Variants in TASOR2 observed in about 807,000 individuals in gnomAD.
The protein encoded by TASOR2 is protein TASOR 2.
TASOR2 carries 84 observed loss-of-function variants against 199.5 expected under a neutral mutation model. The observed-to-expected ratio is 0.42, with a 90% confidence interval of 0.35 to 0.50. The LOEUF (loss-of-function observed/expected upper bound fraction) is 0.50, where lower values mean the gene tolerates loss of function less well. Ranked by LOEUF, TASOR2 falls within the 20% of genes least tolerant of loss-of-function variation. TASOR2 has a pLI of 0.02. For missense variants in TASOR2, 2,796 were observed against 2,835.9 expected, an observed-to-expected ratio of 0.99 and a Z score of 0.32; for synonymous variants, 1,103 against 1,046.6, an observed-to-expected ratio of 1.05 and a Z score of -1.04.
exon 13 of TASOR2, chr10:5,739,660 G>A: frequency 2.5e-6 from 4 of 1,613,636 alleles, no homozygotes; most frequent in South Asian, 1.1e-5. Flanking sequence ...GAAATTTCAA[G>A]AGGTTGTCAA....
At position 5,742,364 on chromosome 10, in the gene TASOR2, A is replaced by G; in HGVS notation, c.2595A>G (p.Glu865=). ...AAATTTCCAGGGCTCATGCTGCTGA[A>G]GTATCCTTCCGTGATCCTAACTGCT... Residue 865 remains glutamate (E), a synonymous_variant, in exon 14 of 21, where the codon GAA becomes GAG. Coordinates refer to ENST00000328090, the Ensembl canonical transcript of TASOR2. This position sits in a 1 kb window ranked among gnomAD's most constrained non-coding sequence, Gnocchi z 4.2. 6.2e-7 allele frequency: 1 copy of G among 1,614,192 alleles called. No individual in the cohort carries two copies. Among genetic ancestry groups the G allele is most frequent in the Non-Finnish European group, 8.5e-7 (1 of 1,180,028 alleles).
chr10:5,747,303 C>G (rs1564346851), exon 15 of TASOR2: 2 of 1,614,018 alleles, frequency 1.2e-6, no homozygotes, highest in Admixed American at 3.3e-5. Context: ...CTACAAGTCC[C>G]AGAGAAGAAA....
chr10:5,742,549 A>G lies in TASOR2; in HGVS notation c.2757+23A>G, dbSNP rs763000550. The G allele has an allele frequency of 6.4e-7, 1 of 1,561,090 alleles. No individual in the cohort carries two copies. Among genetic ancestry groups the G allele is most frequent in the South Asian group, 1.2e-5 (1 of 83,618 alleles). ...GAGGTATGTAAAGCTGAATACCGTT[A>G]AATGTTGGCATTATTTTTGAAGAAA... On this transcript the variant is annotated intron_variant, in intron 14 of 20. Transcript: ENST00000328090. The surrounding 1 kb of genome is among the most constrained non-coding windows in gnomAD (Gnocchi z 4.2).
At chr10:5,709,482 A>G (rs943455041) in intron 1 of TASOR2, 67 of 1,155,982 alleles carry the variant, frequency 5.8e-5, no homozygotes, top group Non-Finnish European at 6.9e-5. Flanking sequence ...TAAATATGCT[A>G]TAAATAGAAT....
chr10:5,729,973 A>T (rs1343316594), intron 10 of TASOR2, among the ~76,000 whole-genome samples: 1 of 152,254 alleles, frequency 6.6e-6, no homozygotes, highest in Admixed American at 6.5e-5. Context: ...AGTTAGCAAT[A>T]ATCATTCCAG....
intron 2 of TASOR2, 115 bp from the exon 4 acceptor site, chr10:5,717,544 C>A: frequency 2.4e-6 from 1 of 409,396 alleles, no homozygotes. Context: ...TGTTGGAATC[C>A]TCCTCTCCTG....
rs918937031 is a variant in TASOR2, at chr10:5,719,436, G to A, written c.-99-1108G>A. ...CAGCTCACTGCAACCTCCACCTCCC[G>A]GGTTCAAGCAATTTTCCTACCTCAG... On this transcript the variant is annotated intron_variant, in intron 3 of 20. Transcript: ENST00000328090. This position sits in a 1 kb window ranked among gnomAD's most constrained non-coding sequence, Gnocchi z 4.1. Among the ~76,000 whole-genome samples, 19 of 152,102 alleles carry A rather than the reference G, an allele frequency of 1.2e-4. No individual in the cohort carries two copies. The highest frequency in any genetic ancestry group is 3.9e-4 in the African/African-American group (16 of 41,506).
At chr10:5,688,521 G>T (rs1836054827) in intron 1 of TASOR2, among the ~76,000 whole-genome samples, 1 of 143,634 alleles carries the variant, frequency 7.0e-6, no homozygotes, top group African/African-American at 2.6e-5. Context: ...ATAACATCCA[G>T]CCCCTAACAA....
rs564494119 is a variant in TASOR2, at chr10:5,708,753, G to A, written c.-287-4070G>A. On this transcript the variant is annotated intron_variant, in intron 1 of 20. Transcript: ENST00000328090. ...GTCTGGCTCTGTTACCCAGGCTGGAGTTCAGGGGTGCAATCTCAGCTCACT... is the reference window on the plus strand; with the variant it reads ...GTCTGGCTCTGTTACCCAGGCTGGAATTCAGGGGTGCAATCTCAGCTCACT... 4.6e-5 allele frequency among the ~76,000 whole-genome samples: 7 copies of A among 151,292 alleles called. No individual in the cohort carries two copies. The East Asian group carries it at 7.8e-4, about 17-fold the overall frequency.
rs186230543 is a variant in TASOR2 at position 5,693,358 on chromosome 10, T to C, written c.-288+8183T>C. 1.7e-4 allele frequency among the ~76,000 whole-genome samples: 26 copies of C among 152,356 alleles called. No individual in the cohort carries two copies. The East Asian group carries it at 5.0e-3, about 29-fold the overall frequency. On this transcript the variant is annotated intron_variant, in intron 1 of 20. Transcript: ENST00000328090. Reference sequence around the variant, plus strand: ...CTTTGCGCTTCAAGTATTTGCAGGTTATTACCTTAGTTTTTACTCCCTTTG... The same window carrying C: ...CTTTGCGCTTCAAGTATTTGCAGGTCATTACCTTAGTTTTTACTCCCTTTG...
Position 5,739,868 on chromosome 10 carries a change from T to C in TASOR2, c.1698T>C (p.Asn566=), listed in dbSNP as rs748651818. Residue 566 remains asparagine (N), a synonymous_variant, in exon 13 of 21, where the codon AAT becomes AAC. Coordinates refer to ENST00000328090, the Ensembl canonical transcript of TASOR2. ...ACTGTTCCTCTGAATTGCCACAAAA[T>C]GATGTTTTGCTCTCTAAAGAAAATT... The C allele has an allele frequency of 5.0e-6, 8 of 1,614,080 alleles. No homozygotes were observed. In the African/African-American group the frequency reaches 6.7e-5, roughly 13 times the overall value.
rs971260120 is a variant in TASOR2 at position 5,754,796 on chromosome 10, C to T, written c.6607-1817C>T. 3.3e-5 allele frequency among the ~76,000 whole-genome samples: 5 copies of T among 152,100 alleles called. No individual in the cohort carries two copies. Among genetic ancestry groups the T allele is most frequent in the African/African-American group, 4.8e-5 (2 of 41,430 alleles). On this transcript the variant is annotated intron_variant, in intron 15 of 20. Transcript: ENST00000328090. The surrounding 1 kb of genome is among the most constrained non-coding windows in gnomAD (Gnocchi z 4.3). The stretch of plus-strand genomic sequence containing the variant: ...CGGTGGCTCACGCCTGTAATCCCAG[C>T]ACTTTGGGAGGCCGAGGTGGGCGGA...
rs75514089 is a variant in TASOR2, at chr10:5,730,957, A to T, written c.958A>T (p.Thr320Ser). ...CTCAGAGGCAGAAGTGAGAAAAGAA[A>T]CTGAAACAAAAAAGGATTCTGAAGA... is the stretch of plus-strand genomic sequence containing the variant. Residue 320 changes from threonine (T) to serine (S), a missense_variant, in exon 11 of 21, where the codon ACT becomes TCT. Around this residue, in one of 3 missense-constraint regions of TASOR2, gnomAD observed 847 missense variants for 887.4 expected, o/e 0.95. Coordinates refer to ENST00000328090, the Ensembl canonical transcript of TASOR2. This position sits in a 1 kb window ranked among gnomAD's most constrained non-coding sequence, Gnocchi z 4.1. 7.5e-3 allele frequency: 12,172 copies of T among 1,614,152 alleles called. 135 individuals are homozygous for T. Among genetic ancestry groups the T allele is most frequent in the South Asian group, 0.036 (3,270 of 91,086 alleles).
At chr10:5,725,906 A>G (rs556322754) in intron 8 of TASOR2, among the ~76,000 whole-genome samples, 4 of 152,322 alleles carry the variant, frequency 2.6e-5, no homozygotes, top group African/African-American at 9.6e-5. Context: ...AATCTTGTTG[A>G]AACTCAAAGC....
chr10:5,700,114 C>G (rs10795347), intron 1 of TASOR2, among the ~76,000 whole-genome samples: 63,241 of 151,790 alleles, frequency 0.42, 13,681 homozygotes, highest in East Asian at 0.79. Context: ...TCCAGCCTCT[C>G]ATAACCACCA....
Position 5,719,280 on chromosome 10 carries a change from C to T in TASOR2, c.-99-1264C>T, listed in dbSNP as rs746281849. Among the ~76,000 whole-genome samples the T allele has an allele frequency of 2.0e-5, 3 of 152,084 alleles. No homozygotes were observed. Among genetic ancestry groups the T allele is most frequent in the Non-Finnish European group, 4.4e-5 (3 of 68,012 alleles). ...TCTTATGTCATTGTATTATTCAAAA[C>T]AGCTTTTAAAATCATTGCATATTTC... On this transcript the variant is annotated intron_variant, in intron 3 of 20. Transcript: ENST00000328090. This position sits in a 1 kb window ranked among gnomAD's most constrained non-coding sequence, Gnocchi z 4.1.
Position 5,740,276 on chromosome 10 carries a change from C to G in TASOR2, c.2106C>G (p.Pro702=). The stretch of plus-strand genomic sequence containing the variant: ...AAGTCATGCCATTTCGGCATCAGCC[C>G]GGCCTTTTGCTTCAGCAAAAGCCTC... Residue 702 remains proline (P), a synonymous_variant, in exon 13 of 21, where the codon CCC becomes CCG. Transcript: ENST00000328090. The surrounding 1 kb of genome is among the most constrained non-coding windows in gnomAD (Gnocchi z 5.3). 1 of 1,614,236 alleles carries G rather than the reference C, an allele frequency of 6.2e-7. No homozygotes were observed. Among genetic ancestry groups the G allele is most frequent in the Admixed American group, 1.7e-5 (1 of 60,034 alleles).
chr10:5,696,717 A>G (rs1371883382), intron 1 of TASOR2, among the ~76,000 whole-genome samples: 2 of 152,188 alleles, frequency 1.3e-5, no homozygotes, highest in Non-Finnish European at 2.9e-5. Flanking sequence ...CGCCTGCCAT[A>G]GAATGAAAGT....
In TASOR2 at chr10:5,754,906, C is replaced by T. The variant is rs1048634606; in HGVS notation, c.6607-1707C>T. Among the ~76,000 whole-genome samples the T allele has an allele frequency of 6.6e-6, 1 of 151,480 alleles. No homozygotes were observed. Among genetic ancestry groups the T allele is most frequent in the Admixed American group, 6.6e-5 (1 of 15,214 alleles). On this transcript the variant is annotated intron_variant, in intron 15 of 20. Transcript: ENST00000328090. This position sits in a 1 kb window ranked among gnomAD's most constrained non-coding sequence, Gnocchi z 4.3. ...AAAATACAAAAAGAAATTAGCTGGG[C>T]GTGGTGGCGGGTGCCTGTAGTCCCA...
Sources: allele counts gnomAD v4.1 joint callset (sites outside exome capture counted in the v4.1 genomes callset), GRCh38; gene constraint gnomAD v4.1.1; regional missense constraint gnomAD v4.1.1; non-coding constraint Gnocchi (gnomAD v3.1); transcripts MANE v1.5; gene names NCBI Gene and HGNC (gene_info 2026-07-23, HGNC 2026-07-21).